The following PLD5 variants were observed in gnomAD, a reference collection of about 807,000 sequenced individuals.
The protein encoded by PLD5 is phospholipase D family member 5.
In PLD5, 36 loss-of-function variants were observed where a neutral mutation model predicts 61.1. The observed-to-expected ratio is 0.59, with a 90% confidence interval of 0.45 to 0.78. The LOEUF (loss-of-function observed/expected upper bound fraction) is 0.78, where lower values mean the gene tolerates loss of function less well. Among genes scored for constraint, PLD5 ranks in the 30% least tolerant of loss-of-function variants. PLD5 has a pLI of 0.00. For synonymous variants in PLD5, 243 were observed against 242.8 expected, an observed-to-expected ratio of 1.00 and a Z score of -0.01; for missense variants, 515 against 644.4, an observed-to-expected ratio of 0.80 and a Z score of 2.17.
chr1:242,133,791 A>G (rs1663492544), intron 5 of PLD5, among the ~76,000 whole-genome samples: 2 of 152,234 alleles, frequency 1.3e-5, no homozygotes, highest in African/African-American at 4.8e-5. Flanking sequence ...CAACAGATAA[A>G]ACCTTGAGTA....
intron 4 of PLD5, among the ~76,000 whole-genome samples, chr1:242,246,974 CTTTTTT>C (rs74466537): frequency 3.3e-4 from 45 of 135,868 alleles, no homozygotes; most frequent in Admixed American, 1.7e-3. Context: ...TTTAGGGATT[CTTTTTT>C]TTTTTTTTTT....
chr1:242,327,145 G>A (rs1420965450), intron 2 of PLD5, among the ~76,000 whole-genome samples: 3 of 151,896 alleles, frequency 2.0e-5, no homozygotes, highest in Non-Finnish European at 2.9e-5. Context: ...GATTACAAGC[G>A]TGAGCCACCA....
chr1:242,087,800 CAG>C lies in PLD5; in HGVS notation c.*2052_*2053del, dbSNP rs1308393212. ...ACGTTTACTTTATTGGGATAACTGG[CAG>C]AGTTATAACTCCCAACTCAAATATG... On this transcript the variant is annotated 3_prime_UTR_variant, in exon 10 of 10. Transcript: ENST00000536534. The C allele has an allele frequency of 6.6e-6, 1 of 152,160 alleles. No homozygotes were observed. The highest frequency in any genetic ancestry group is 1.9e-4 in the East Asian group (1 of 5,184). 9.4% of individuals were successfully genotyped at this position (152,160 alleles called of 1,614,324 possible).
At chr1:242,186,534 TC>T (rs1667907308) in intron 5 of PLD5, among the ~76,000 whole-genome samples, 1 of 152,098 alleles carries the variant, frequency 6.6e-6, no homozygotes, top group African/African-American at 2.4e-5. Context: ...AAAGGTATAG[TC>T]ACTGGCCTTC....
At chr1:242,265,656 G>T (rs1673628406) in intron 3 of PLD5, among the ~76,000 whole-genome samples, 1 of 152,090 alleles carries the variant, frequency 6.6e-6, no homozygotes, top group Non-Finnish European at 1.5e-5. Flanking sequence ...GCACTTTTTG[G>T]GGGGTATTGT....
At chr1:242,291,086 A>G (rs1052234509) in intron 2 of PLD5, among the ~76,000 whole-genome samples, 4 of 152,014 alleles carry the variant, frequency 2.6e-5, no homozygotes, top group Non-Finnish European at 5.9e-5. Flanking sequence ...CATATTTGTC[A>G]TCTTTACTTC....
At chr1:242,465,575 T>C (rs952051450) in intron 1 of PLD5, among the ~76,000 whole-genome samples, 5 of 152,200 alleles carry the variant, frequency 3.3e-5, no homozygotes, top group African/African-American at 1.2e-4. Context: ...TTATTCTACT[T>C]TTATTCTCAC....
intron 5 of PLD5, among the ~76,000 whole-genome samples, chr1:242,172,658 A>T (rs960154890): frequency 1.3e-5 from 2 of 152,234 alleles, no homozygotes; most frequent in Non-Finnish European, 2.9e-5. Flanking sequence ...GAAAATAGAG[A>T]AGAATCAAAT....
intron 1 of PLD5, among the ~76,000 whole-genome samples, chr1:242,453,126 G>C (rs937533787): frequency 2.0e-5 from 3 of 152,174 alleles, no homozygotes; most frequent in Admixed American, 1.3e-4. Context: ...TTTTTAGAAG[G>C]TGACAAGATC....
chr1:242,162,458 C>T (rs1431363577), intron 5 of PLD5, among the ~76,000 whole-genome samples: 2 of 152,102 alleles, frequency 1.3e-5, no homozygotes, highest in East Asian at 1.9e-4. Flanking sequence ...ACTCTGTAAC[C>T]GAGAAACCTA....
chr1:242,216,120 G>A (rs1164463013), intron 5 of PLD5, among the ~76,000 whole-genome samples: 2 of 152,168 alleles, frequency 1.3e-5, no homozygotes, highest in African/African-American at 4.8e-5. Context: ...GATTGGAAAA[G>A]AATGTTGCTA....
chr1:242,267,128 A>G (rs1673728582), intron 3 of PLD5, among the ~76,000 whole-genome samples: 1 of 143,136 alleles, frequency 7.0e-6, no homozygotes, highest in African/African-American at 2.8e-5. Flanking sequence ...AAATAAATAA[A>G]TAAAAAAACA....
chr1:242,444,003 T>C (rs947091601), intron 1 of PLD5, among the ~76,000 whole-genome samples: 2 of 152,206 alleles, frequency 1.3e-5, no homozygotes, highest in Admixed American at 6.5e-5. Flanking sequence ...GCATCCATCA[T>C]GAATCATCAG....
chr1:242,380,459 C>G (rs1187348670), intron 1 of PLD5, among the ~76,000 whole-genome samples: 2 of 152,108 alleles, frequency 1.3e-5, no homozygotes, highest in Non-Finnish European at 2.9e-5. Context: ...TATTTAGAAA[C>G]CAAGATGGAA....
chr1:242,204,712 AG>A (rs928590509), intron 5 of PLD5, among the ~76,000 whole-genome samples: 1 of 152,114 alleles, frequency 6.6e-6, no homozygotes, highest in Non-Finnish European at 1.5e-5. Context: ...TAACAATTGC[AG>A]GGGGTCGGTA....
At chr1:242,467,802 T>A (rs1667323727) in intron 1 of PLD5, among the ~76,000 whole-genome samples, 1 of 152,152 alleles carries the variant, frequency 6.6e-6, no homozygotes, top group African/African-American at 2.4e-5. Context: ...AGAAGCACCA[T>A]CCCAAAATGG....
At chr1:242,437,497 G>T (rs920318564) in intron 1 of PLD5, among the ~76,000 whole-genome samples, 1 of 152,126 alleles carries the variant, frequency 6.6e-6, no homozygotes, top group Non-Finnish European at 1.5e-5. Flanking sequence ...AGGAGTTCAA[G>T]ACCAGCCTGG....
intron 2 of PLD5, among the ~76,000 whole-genome samples, chr1:242,311,849 T>C (rs1676715910): frequency 6.6e-6 from 1 of 152,292 alleles, no homozygotes; most frequent in Non-Finnish European, 1.5e-5. Flanking sequence ...CATATGTAGG[T>C]CCACTTGATG....
chr1:242,246,207 A>G (rs1672342881), intron 4 of PLD5, among the ~76,000 whole-genome samples: 1 of 151,818 alleles, frequency 6.6e-6, no homozygotes, highest in Non-Finnish European at 1.5e-5. Flanking sequence ...ATCTCTACCA[A>G]AAAAAATACT....
Sources: allele counts gnomAD v4.1 joint callset (sites outside exome capture counted in the v4.1 genomes callset), GRCh38; gene constraint gnomAD v4.1.1; transcripts MANE v1.5; gene names NCBI Gene and HGNC (gene_info 2026-07-23, HGNC 2026-07-21).